BLTP1: variants seen among roughly 807,000 people sequenced by gnomAD.
BLTP1 encodes the protein bridge-like lipid transfer protein family member 1, also known as fragile site-associated protein.
the BLTP1 span, chr4:122,359,586 C>T: frequency 9.3e-6 from 15 of 1,610,758 alleles, no homozygotes; most frequent in East Asian, 2.2e-5. Flanking sequence ...TTTATCTACT[C>T]GACCAGGACA....
At chr4:122,320,713 T>C in the BLTP1 span, among the ~76,000 whole-genome samples, 1 of 152,168 alleles carries the variant, frequency 6.6e-6, no homozygotes, top group Non-Finnish European at 1.5e-5. Context: ...AGTGGGTTTC[T>C]TGTAGCAACA....
chr4:122,323,225 T>A, the BLTP1 span, among the ~76,000 whole-genome samples: 1 of 152,228 alleles, frequency 6.6e-6, no homozygotes, highest in East Asian at 1.9e-4. Flanking sequence ...CTTTCTCCAA[T>A]GTGAGGGGCA....
At chr4:122,198,161 C>A in the BLTP1 span, 2 of 979,760 alleles carry the variant, frequency 2.0e-6, no homozygotes, top group Non-Finnish European at 2.4e-6. Context: ...GGCCTGCCTG[C>A]TTAGATAATC....
chr4:122,223,118 A>G, the BLTP1 span: 44 of 954,846 alleles, frequency 4.6e-5, no homozygotes, highest in Middle Eastern at 1.6e-3. Context: ...ATTTTATATA[A>G]AGTCACACAG....
chr4:122,280,734 A>G, the BLTP1 span, among the ~76,000 whole-genome samples: 2 of 151,422 alleles, frequency 1.3e-5, no homozygotes, highest in East Asian at 1.9e-4. Flanking sequence ...CCCACATCCT[A>G]TAAGTGGGAA....
At chr4:122,188,751 G>C in the BLTP1 span, among the ~76,000 whole-genome samples, 2 of 152,006 alleles carry the variant, frequency 1.3e-5, no homozygotes, top group Admixed American at 1.3e-4. Flanking sequence ...ATTTTTGTGT[G>C]TGTAAAGGAT....
At chr4:122,268,196 A>G in the BLTP1 span, among the ~76,000 whole-genome samples, 4 of 152,324 alleles carry the variant, frequency 2.6e-5, no homozygotes, top group East Asian at 5.8e-4. Context: ...AATAAAAAAA[A>G]GTAAAACTAA....
the BLTP1 span, among the ~76,000 whole-genome samples, chr4:122,163,636 A>G: frequency 1.3e-5 from 2 of 152,200 alleles, no homozygotes; most frequent in African/African-American, 4.8e-5. Flanking sequence ...GCTTTACATC[A>G]ACTTATCAAT....
chr4:122,334,397 A>C, the BLTP1 span: 73 of 1,612,430 alleles, frequency 4.5e-5, no homozygotes, highest in Non-Finnish European at 5.9e-5. Flanking sequence ...CCTCCAGGGG[A>C]TCTTCCTTGC....
the BLTP1 span, chr4:122,246,807 A>G: frequency 6.2e-7 from 1 of 1,612,508 alleles, no homozygotes; most frequent in Non-Finnish European, 8.5e-7. Flanking sequence ...GTTCGCATGA[A>G]CAGGTAAGAA....
the BLTP1 span, chr4:122,336,190 A>G: frequency 6.3e-7 from 1 of 1,584,364 alleles, no homozygotes; most frequent in Non-Finnish European, 8.6e-7. Context: ...TAAATGTTCT[A>G]GCCAAAGGAA....
chr4:122,341,782 C>G, the BLTP1 span: 8 of 985,206 alleles, frequency 8.1e-6, no homozygotes, highest in African/African-American at 1.4e-4. Context: ...TCCATACTTA[C>G]TAATGTGGAG....
the BLTP1 span, chr4:122,344,950 G>A: frequency 3.0e-6 from 3 of 984,940 alleles, no homozygotes; most frequent in Non-Finnish European, 2.4e-6. Flanking sequence ...TGAATTGTGT[G>A]CATGTATACT....
the BLTP1 span, chr4:122,271,273 T>C: frequency 6.2e-7 from 1 of 1,613,890 alleles, no homozygotes; most frequent in Non-Finnish European, 8.5e-7. Context: ...CAATGATAGA[T>C]GACATCAAAG....
chr4:122,326,117 T>G, the BLTP1 span, among the ~76,000 whole-genome samples: 3 of 151,680 alleles, frequency 2.0e-5, no homozygotes, highest in African/African-American at 7.2e-5. Flanking sequence ...TTAATACTAT[T>G]AAAGACTAAA....
At chr4:122,271,977 A>T in the BLTP1 span, 1 of 314,264 alleles carries the variant, frequency 3.2e-6, no homozygotes, top group Non-Finnish European at 4.6e-6. Flanking sequence ...ATCTGGCTCT[A>T]CTATTCACTT....
At chr4:122,330,378 G>A in the BLTP1 span, among the ~76,000 whole-genome samples, 1 of 151,742 alleles carries the variant, frequency 6.6e-6, no homozygotes, top group Non-Finnish European at 1.5e-5. Flanking sequence ...CCATGTCCTT[G>A]CCAACACACT....
the BLTP1 span, chr4:122,298,240 A>G: frequency 2.1e-6 from 2 of 944,560 alleles, no homozygotes; most frequent in Non-Finnish European, 2.5e-6. Flanking sequence ...TGTAGTTTTT[A>G]TTTGATCACC....
chr4:122,261,275 TG>T, the BLTP1 span: 1 of 984,952 alleles, frequency 1.0e-6, no homozygotes, highest in Non-Finnish European at 1.2e-6. Flanking sequence ...TTTTTCCTGA[TG>T]GACAGTTTTT....
Sources: gnomAD v4.1 joint callset for allele counts (sites outside exome capture counted in the v4.1 genomes callset) on GRCh38, gnomAD v4.1.1 for gene constraint, MANE v1.5 for transcripts, NCBI Gene and HGNC (gene_info 2026-07-23, HGNC 2026-07-21) for gene names.